Variants in GCSAML observed in about 807,000 individuals in gnomAD.
GCSAML encodes the protein germinal center associated signaling and motility like, also known as germinal center-associated signaling and motility-like protein.
A neutral mutation model predicts 13.0 loss-of-function variants in GCSAML; 9 were observed. That is an observed-to-expected ratio of 0.69 (90% CI 0.42 to 1.21). GCSAML has a LOEUF of 1.21. Among genes scored for constraint, GCSAML ranks in the 50% most tolerant of loss-of-function variants. The pLI is 0.00. For missense variants in GCSAML, 143 were observed against 153.4 expected (o/e 0.93, Z 0.36); for synonymous variants, 37 against 52.9 (o/e 0.70, Z 1.31).
intron 4 of GCSAML, 142 bp from the exon 5 acceptor site, chr1:247,574,001 G>C: frequency 1.2e-6 from 1 of 801,862 alleles, no homozygotes; most frequent in Non-Finnish European, 2.0e-6. Context: ...GTCTATTATT[G>C]GTGTACAGGA....
chr1:247,541,935 A>C (rs1186220402), intron 2 of GCSAML, among the ~76,000 whole-genome samples: 1 of 151,710 alleles, frequency 6.6e-6, no homozygotes, highest in East Asian at 1.9e-4. Context: ...GCTTGAACCC[A>C]GGAGGCAGAG....
intron 2 of GCSAML, among the ~76,000 whole-genome samples, 189 bp downstream of exon 2, chr1:247,556,655 G>T (rs1667963018): frequency 6.6e-6 from 1 of 152,132 alleles, no homozygotes; most frequent in Non-Finnish European, 1.5e-5. Context: ...GAAAGACAGG[G>T]TATTAGCCAC....
At chr1:247,563,535 A>G (rs1668216494) in intron 2 of GCSAML, 55 bp from the exon 3 acceptor site, 2 of 1,075,846 alleles carry the variant, frequency 1.9e-6, no homozygotes, top group South Asian at 1.4e-5. Context: ...TTTGAAAGGC[A>G]TTTTCAGCTT....
chr1:247,556,386 T>C (rs1359280951), intron 1 of GCSAML, 21 bp from the exon 2 acceptor site: 1 of 1,584,138 alleles, frequency 6.3e-7, no homozygotes, highest in Non-Finnish European at 8.7e-7. Context: ...TCTCTCTTTT[T>C]TCTTATGTGT....
At chr1:247,561,214 A>T (rs1393237577) in intron 2 of GCSAML, among the ~76,000 whole-genome samples, 5 of 152,144 alleles carry the variant, frequency 3.3e-5, no homozygotes, top group African/African-American at 1.2e-4. Context: ...TTTGCCTCCC[A>T]AAGTGCTGTG....
chr1:247,536,027 A>G (rs749601752), intron 2 of GCSAML: 4 of 152,198 alleles, frequency 2.6e-5, no homozygotes, highest in East Asian at 1.9e-4. Flanking sequence ...CAAAGGCCAC[A>G]TGAGGAAATC....
intron 2 of GCSAML, among the ~76,000 whole-genome samples, chr1:247,534,420 T>G (rs1394347568): frequency 6.6e-6 from 1 of 152,122 alleles, no homozygotes; most frequent in Non-Finnish European, 1.5e-5. Context: ...GCATAAACTT[T>G]CGGTAGTGTT....
In GCSAML at chr1:247,516,078, A is replaced by G. The variant is rs1666199879; in HGVS notation, c.-263+8845A>G. 2.0e-5 allele frequency among the ~76,000 whole-genome samples: 3 copies of G among 152,134 alleles called. No individual in the cohort carries two copies. In the South Asian group the frequency reaches 6.2e-4, roughly 32 times the overall value. Reference sequence around the variant, plus strand: ...CAGAGGAAGGCAGGGTGGTACAATGAGTGATAGATGATGCAATGTGAATCG... The same window carrying G: ...CAGAGGAAGGCAGGGTGGTACAATGGGTGATAGATGATGCAATGTGAATCG... On this transcript the variant is annotated intron_variant, in intron 1 of 5. Transcript: ENST00000366489.
chr1:247,534,243 T>C (rs1287078803), intron 2 of GCSAML, among the ~76,000 whole-genome samples: 2 of 152,234 alleles, frequency 1.3e-5, no homozygotes, highest in Non-Finnish European at 2.9e-5. Context: ...GCCATAGTTT[T>C]ATCTTTTGTT....
chr1:247,553,046 G>A (rs764160615), intron 1 of GCSAML, among the ~76,000 whole-genome samples: 5 of 152,222 alleles, frequency 3.3e-5, no homozygotes, highest in South Asian at 2.1e-4. Flanking sequence ...GAGCCACTGC[G>A]CCTGGTCTAT....
At chr1:247,518,846 C>T (rs1666314951) in intron 1 of GCSAML, among the ~76,000 whole-genome samples, 1 of 152,044 alleles carries the variant, frequency 6.6e-6, no homozygotes, top group Non-Finnish European at 1.5e-5. Flanking sequence ...AAAAATTAGC[C>T]GGGCTAGTGG....
intron 1 of GCSAML, among the ~76,000 whole-genome samples, chr1:247,513,858 C>G (rs1291443075): frequency 2.0e-5 from 3 of 152,174 alleles, no homozygotes; most frequent in African/African-American, 4.8e-5. Context: ...TCTAACCAGT[C>G]CCAGTGAGAT....
intron 2 of GCSAML, among the ~76,000 whole-genome samples, chr1:247,541,197 A>G (rs1254258610): frequency 6.6e-6 from 1 of 150,710 alleles, no homozygotes; most frequent in South Asian, 2.1e-4. Flanking sequence ...TTTTTTTCCT[A>G]TTGAAGCTAT....
chr1:247,536,017 C>G (rs111837154), intron 2 of GCSAML, among the ~76,000 whole-genome samples: 8 of 152,278 alleles, frequency 5.3e-5, no homozygotes, highest in African/African-American at 1.7e-4. Flanking sequence ...GCTAGAATAT[C>G]AAAGGCCACA....
chr1:247,567,343 A>G (rs1461127595), intron 4 of GCSAML, among the ~76,000 whole-genome samples: 2 of 151,600 alleles, frequency 1.3e-5, no homozygotes, highest in African/African-American at 2.4e-5. Flanking sequence ...CCACACCCCA[A>G]CAGGCCCGGG....
intron 4 of GCSAML, among the ~76,000 whole-genome samples, chr1:247,572,016 T>C (rs1041528172): frequency 1.3e-5 from 2 of 152,240 alleles, no homozygotes; most frequent in Admixed American, 1.3e-4. Flanking sequence ...TTGTGTATGC[T>C]TCACGAAGTT....
intron 2 of GCSAML, among the ~76,000 whole-genome samples, chr1:247,538,294 A>G (rs186205540): frequency 9.2e-5 from 14 of 152,344 alleles, no homozygotes; most frequent in Admixed American, 9.1e-4. Flanking sequence ...CAAGTGACAT[A>G]AACCCATAGA....
chr1:247,546,357 T>C (rs1325577577), upstream of GCSAML, among the ~76,000 whole-genome samples: 1 of 151,724 alleles, frequency 6.6e-6, no homozygotes, highest in Non-Finnish European at 1.5e-5. Flanking sequence ...GTCTTTATTT[T>C]TTATTTATTT....
At chr1:247,553,943 G>A (rs1667863024) in intron 1 of GCSAML, among the ~76,000 whole-genome samples, 2 of 152,170 alleles carry the variant, frequency 1.3e-5, no homozygotes, top group African/African-American at 2.4e-5. Context: ...ATTGTGATGT[G>A]TGCAATTTTA....
Sources: gnomAD v4.1 joint callset for allele counts (sites outside exome capture counted in the v4.1 genomes callset) on GRCh38, gnomAD v4.1.1 for gene constraint, MANE v1.5 for transcripts, NCBI Gene and HGNC (gene_info 2026-07-23, HGNC 2026-07-21) for gene names.